Variants in ORC3 observed in about 807,000 individuals in gnomAD.
The protein encoded by ORC3 is homolog of latheo, Drosophila.
In ORC3, 78 loss-of-function variants were observed where a neutral mutation model predicts 100.7. That is an observed-to-expected ratio of 0.77 (90% CI 0.65 to 0.94). The LOEUF is 0.94. ORC3 is among the 40% of genes least tolerant of loss of function. The pLI is 0.00. For synonymous variants in ORC3, 295 were observed against 289.3 expected, an observed-to-expected ratio of 1.02 and a Z score of -0.20; for missense variants, 789 against 823.9, an observed-to-expected ratio of 0.96 and a Z score of 0.52.
downstream of ORC3, among the ~76,000 whole-genome samples, chr6:87,671,033 G>C (rs1401211277): frequency 6.6e-6 from 1 of 152,210 alleles, no homozygotes; most frequent in Non-Finnish European, 1.5e-5. Flanking sequence ...ACAAGGTAGA[G>C]TGAGCAGGAG....
intron 11 of ORC3, among the ~76,000 whole-genome samples, chr6:87,623,423 A>T (rs911518166): frequency 7.9e-5 from 12 of 152,226 alleles, no homozygotes; most frequent in Non-Finnish European, 1.5e-4. Flanking sequence ...GAGTCTTTGG[A>T]GATTAGCTAG....
At chr6:87,677,712 A>C in the ORC3 span, 2 of 1,324,374 alleles carry the variant, frequency 1.5e-6, no homozygotes, top group Non-Finnish European at 2.1e-6. Context: ...TCTCATTCTC[A>C]GAGAATATAC....
At chr6:87,649,469 C>T (rs1356091308) in intron 13 of ORC3, among the ~76,000 whole-genome samples, 2 of 152,168 alleles carry the variant, frequency 1.3e-5, no homozygotes, top group Non-Finnish European at 2.9e-5. Flanking sequence ...AATTTACGGC[C>T]AGGCGCCATG....
intron 10 of ORC3, 122 bp downstream of exon 10, chr6:87,621,609 T>G: frequency 1.4e-6 from 1 of 693,602 alleles, no homozygotes. Flanking sequence ...TTTTTAATTG[T>G]GGGATTTCCC....
rs1039183958 is a variant in ORC3, at chr6:87,612,217, G to C, written c.842G>C (p.Cys281Ser). 7 of 1,611,116 alleles carry C rather than the reference G, an allele frequency of 4.3e-6. No individual in the cohort carries two copies. The highest frequency in any genetic ancestry group is 5.9e-6 in the Non-Finnish European group (7 of 1,179,044). Residue 281 changes from cysteine (C) to serine (S), a missense_variant, in exon 8 of 20, where the codon TGT becomes TCT. By Grantham distance (112) the Cys-to-Ser change is moderately radical (BLOSUM62 -1). Coordinates refer to ENST00000392844, the MANE Select transcript of ORC3 (RefSeq NM_012381.4). ...ATAGAACTGTTCCAATCTTTGTCTTGTAAGGAGCACCTGACTACGGTACTC... is the reference window on the plus strand; with the variant it reads ...ATAGAACTGTTCCAATCTTTGTCTTCTAAGGAGCACCTGACTACGGTACTC... ...LCIELFQSLS[C>S]KEHLTTVLDK...
intron 4 of ORC3, among the ~76,000 whole-genome samples, chr6:87,604,610 T>C (rs1778197687): frequency 6.6e-6 from 1 of 152,238 alleles, no homozygotes; most frequent in Non-Finnish European, 1.5e-5. Flanking sequence ...TTGTTTGTGA[T>C]AGACAAGTTC....
the ORC3 span, chr6:87,675,813 A>G: frequency 6.4e-7 from 1 of 1,559,078 alleles, no homozygotes; most frequent in Non-Finnish European, 8.8e-7. Context: ...TTCTCCTTAA[A>G]AGACAGTCTT....
chr6:87,670,819 A>C (rs1047712221), downstream of ORC3, among the ~76,000 whole-genome samples: 2 of 152,200 alleles, frequency 1.3e-5, no homozygotes, highest in African/African-American at 2.4e-5. Context: ...TAAAACAAAG[A>C]AAGCAGCAGG....
rs142038169 is a variant in ORC3 at position 87,648,950 on chromosome 6, A to G, written c.1383-4166A>G. Among the ~76,000 whole-genome samples, 661 of 152,324 alleles carry G rather than the reference A, an allele frequency of 4.3e-3. 3 individuals carry two copies. The highest frequency in any genetic ancestry group is 0.015 in the African/African-American group (617 of 41,574). The stretch of plus-strand genomic sequence containing the variant: ...TAGATGTAAACATATTGAGTCTAAA[A>G]TATAAACATTGTTGTACAGTGTACA... On this transcript the variant is annotated intron_variant, in intron 13 of 19. Coordinates refer to ENST00000392844, the MANE Select transcript of ORC3 (RefSeq NM_012381.4).
At chr6:87,608,147 T>C (rs934175903) in intron 6 of ORC3, among the ~76,000 whole-genome samples, 1 of 152,200 alleles carries the variant, frequency 6.6e-6, no homozygotes, top group African/African-American at 2.4e-5. Context: ...ACTATAACTT[T>C]AGTATATTAT....
At chr6:87,655,061 A>G (rs1400519972) in intron 14 of ORC3, among the ~76,000 whole-genome samples, 2 of 152,220 alleles carry the variant, frequency 1.3e-5, no homozygotes, top group African/African-American at 4.8e-5. Flanking sequence ...AACTGAAACT[A>G]AAACTCCCCA....
In ORC3 at chr6:87,621,410, T is replaced by A. The variant is rs749808767; in HGVS notation, c.1044T>A (p.Leu348=). Residue 348 remains leucine, a synonymous_variant, in exon 10 of 20, where the codon CTT becomes CTA. Coordinates refer to ENST00000392844, the MANE Select transcript of ORC3 (RefSeq NM_012381.4). The stretch of plus-strand genomic sequence containing the variant: ...CCTTAAGTGTCCTGTGCTGTAATCT[T>A]CCAGAAGCCAAAAGAAGAATAAATT... ...SQPLSVLCCN[L]PEAKRRINFL... 1 of 1,603,152 alleles carries A rather than the reference T, an allele frequency of 6.2e-7. No homozygotes were observed. The highest frequency in any genetic ancestry group is 8.5e-7 in the Non-Finnish European group (1 of 1,175,434).
At chr6:87,598,599 C>T (rs1217331327) in intron 2 of ORC3, among the ~76,000 whole-genome samples, 2 of 149,874 alleles carry the variant, frequency 1.3e-5, no homozygotes, top group African/African-American at 4.9e-5. Flanking sequence ...GTTTTTAGTA[C>T]TAGTAAACCT....
chr6:87,652,864 A>G (rs866892368), intron 13 of ORC3, among the ~76,000 whole-genome samples: 38 of 152,324 alleles, frequency 2.5e-4, no homozygotes, highest in Middle Eastern at 3.4e-3. Flanking sequence ...TACAAACATC[A>G]TGTTAGAGCC....
intron 2 of ORC3, among the ~76,000 whole-genome samples, chr6:87,599,842 G>A (rs182813807): frequency 8.5e-5 from 13 of 152,188 alleles, no homozygotes; most frequent in African/African-American, 2.4e-4. Flanking sequence ...ATGTGGTCGC[G>A]GGCGCCTGTA....
intron 7 of ORC3, among the ~76,000 whole-genome samples, chr6:87,609,897 C>T (rs766904751): frequency 6.6e-6 from 1 of 152,020 alleles, no homozygotes; most frequent in Non-Finnish European, 1.5e-5. Context: ...CCCATCCATC[C>T]TTAGATGCTC....
rs185664885 is a variant in ORC3 at position 87,621,788 on chromosome 6, T to G, written c.1122-162T>G. Among the ~76,000 whole-genome samples, 4 of 152,288 alleles carry G rather than the reference T, an allele frequency of 2.6e-5. No homozygotes were observed. In the East Asian group the frequency reaches 7.7e-4, roughly 29 times the overall value. ...TGAAGTCCAGCTGATTTAAGGAGTT[T>G]AAAATTACCATTAAACCATAAATGT... On this transcript the variant is annotated intron_variant, in intron 10 of 19. Transcript: ENST00000392844.
the ORC3 span, among the ~76,000 whole-genome samples, chr6:87,677,428 A>G: frequency 3.8e-4 from 58 of 152,338 alleles, 2 homozygotes; most frequent in East Asian, 0.011. Context: ...ATTTTTTGAT[A>G]ACTAAAACAG....
intron 11 of ORC3, among the ~76,000 whole-genome samples, chr6:87,631,083 A>G (rs920119049): frequency 2.5e-4 from 36 of 142,848 alleles, no homozygotes; most frequent in East Asian, 8.2e-4. Context: ...GTCTCTCACT[A>G]TGTTGCTCAC....
Sources: gnomAD v4.1 joint callset for allele counts (sites outside exome capture counted in the v4.1 genomes callset) on GRCh38, gnomAD v4.1.1 for gene constraint, MANE v1.5 for transcripts, NCBI Gene and HGNC (gene_info 2026-07-23, HGNC 2026-07-21) for gene names.